Variants in USP24 observed in about 807,000 individuals in gnomAD.
USP24 encodes ubiquitin specific peptidase 24, also known as ubiquitin carboxyl-terminal hydrolase 24.
Under a neutral mutation model 361.6 loss-of-function variants are expected in USP24, and 97 were observed. The ratio of observed to expected loss-of-function variants is 0.27; its 90% CI spans 0.23 to 0.32. The LOEUF (loss-of-function observed/expected upper bound fraction) is 0.32. USP24 is among the 10% of genes least tolerant of loss of function. The pLI is 1.00. For missense variants in USP24, 2,353 were observed against 3,165.6 expected (o/e 0.74, Z 6.16); for synonymous variants, 1,098 against 1,124.6 (o/e 0.98, Z 0.47).
chr1:55,088,093 C>T (rs547360205), intron 55 of USP24, among the ~76,000 whole-genome samples: 1 of 152,270 alleles, frequency 6.6e-6, no homozygotes, highest in Admixed American at 6.5e-5. Flanking sequence ...ATTCTGAGAG[C>T]AACAGGATTC....
chr1:55,208,629 A>G (rs1022721380), intron 1 of USP24, among the ~76,000 whole-genome samples: 28 of 151,570 alleles, frequency 1.8e-4, no homozygotes, highest in Middle Eastern at 3.4e-3. Context: ...ACTCTGTCTC[A>G]AAAAAATAAA....
intron 24 of USP24, 87 bp from the exon 25 acceptor site, chr1:55,139,097 T>G: frequency 1.6e-6 from 2 of 1,219,256 alleles, no homozygotes; most frequent in Non-Finnish European, 1.2e-6. Flanking sequence ...AAAACCACAA[T>G]AACAGTTAGC....
At position 55,159,670 on chromosome 1, in the gene USP24, C is replaced by G. The variant is rs1648064373; in HGVS notation, c.1009G>C (p.Val337Leu). 1.9e-6 allele frequency: 3 copies of G among 1,559,558 alleles called. No individual in the cohort carries two copies. In the South Asian group the frequency reaches 3.5e-5, roughly 18 times the overall value. ...ACATCCTGGATTGTAGTAAGAATGACTGGGTCTAGCATGGGCTGTAGAAAT... is the reference window on the plus strand; with the variant it reads ...ACATCCTGGATTGTAGTAAGAATGAGTGGGTCTAGCATGGGCTGTAGAAAT... ...SSVVQPMLDPVILTTIQDVRS... is the reference protein window; with the variant it reads ...SSVVQPMLDPLILTTIQDVRS... Residue 337 changes from valine to leucine, a missense_variant, in exon 9 of 68, where the codon GTC becomes CTC. Coordinates refer to ENST00000294383, the MANE Select transcript of USP24 (RefSeq NM_015306.3).
Position 55,148,446 on chromosome 1 carries a change from A to T in USP24, c.1968+17T>A. On this transcript the variant is annotated intron_variant, in intron 17 of 67. Coordinates refer to ENST00000294383, the MANE Select transcript of USP24 (RefSeq NM_015306.3). Reference sequence around the variant, plus strand: ...TATGCAAGTAACTATAATAATAAAAAATAGCTATACCCTTACCTTGTCTTG... The same window carrying T: ...TATGCAAGTAACTATAATAATAAAATATAGCTATACCCTTACCTTGTCTTG... 6.6e-6 allele frequency: 10 copies of T among 1,522,662 alleles called. No individual in the cohort carries two copies. Among genetic ancestry groups the T allele is most frequent in the Non-Finnish European group, 8.9e-6 (10 of 1,128,610 alleles). The allele number at this position is 1,522,662 out of a possible 1,614,324, so 94.3% of individuals were successfully genotyped here. A position where few individuals can be genotyped will look rare whatever the true frequency, so the allele number is the denominator to read the frequency against.
Position 55,094,027 on chromosome 1 carries a change from G to C in USP24, c.6264C>G (p.Asn2088Lys), listed in dbSNP as rs1645438805. The change falls in exon 52 of 68, where the codon AAC becomes AAG. Residue 2088 changes from asparagine to lysine, a missense_variant. Asn to Lys is a moderately conservative substitution (Grantham distance 94). Coordinates refer to ENST00000294383, the MANE Select transcript of USP24 (RefSeq NM_015306.3). ...TGGTAAGAATAGACAGCCGGTCATT[G>C]TTCGGCCTATGGGGCCGAGGGGATG... ...PQSSPRPHRP[N>K]NDRLSILTKL... 6.2e-7 allele frequency: 1 copy of C among 1,613,676 alleles called. No homozygotes were observed. The highest frequency in any genetic ancestry group is 1.3e-5 in the African/African-American group (1 of 74,906).
chr1:55,196,194 C>T (rs1244220365), intron 1 of USP24, among the ~76,000 whole-genome samples: 2 of 152,090 alleles, frequency 1.3e-5, no homozygotes, highest in African/African-American at 4.8e-5. Flanking sequence ...TTTGGTTCCT[C>T]ACCCCACCAG....
In USP24 at chr1:55,093,955, C is replaced by T. The variant is rs557793302; in HGVS notation, c.6336G>A (p.Met2112Ile). 16 of 1,613,766 alleles carry T rather than the reference C, an allele frequency of 9.9e-6. No homozygotes were observed. In the Admixed American group the frequency reaches 2.7e-4, roughly 27 times the overall value. Residue 2112 changes from methionine to isoleucine, a missense_variant, in exon 52 of 68, where the codon ATG (methionine) becomes ATA (isoleucine). Physicochemically the swap from Met to Ile is conservative, Grantham distance 10. Around this residue, in one of 8 missense-constraint regions of USP24, gnomAD observed 598 missense variants for 761.9 expected, o/e 0.78. Transcript: ENST00000294383. The part of the protein sequence containing the change: ...GEKKGLFVEK[M>I]PARIYQMVRD... ...TTCTTACCTGGTATATTCGAGCAGG[C>T]ATTTTCTCCACAAACAGTCCTTTCT...
At chr1:55,212,470 ACC>A (rs1644868678) in intron 1 of USP24, among the ~76,000 whole-genome samples, 1 of 152,150 alleles carries the variant, frequency 6.6e-6, no homozygotes, top group Admixed American at 6.5e-5. Flanking sequence ...TAACTCTCTC[ACC>A]AAGGGTTAAA....
At chr1:55,080,985 G>A (rs1281409352) in intron 59 of USP24, among the ~76,000 whole-genome samples, 7 of 152,080 alleles carry the variant, frequency 4.6e-5, no homozygotes, top group Admixed American at 6.6e-5. Flanking sequence ...GAAACTAGGA[G>A]ACTCCAGCCC....
In USP24 at chr1:55,068,953, A is replaced by C. The variant is rs890361761; in HGVS notation, c.*92T>G. The stretch of plus-strand genomic sequence containing the variant: ...CAGCAGCTTTCCCAGTCCAATCTCC[A>C]GGCTCTTCCAAAGGGTTCGAGATTC... On this transcript the variant is annotated 3_prime_UTR_variant, in exon 68 of 68. Transcript: ENST00000294383. 123 of 1,372,932 alleles carry C rather than the reference A, an allele frequency of 9.0e-5. No homozygotes were observed. The highest frequency in any genetic ancestry group is 1.2e-4 in the Non-Finnish European group (115 of 968,958). The allele number at this position is 1,372,932 out of a possible 1,614,324, so 85.0% of individuals were successfully genotyped here.
At chr1:55,071,512 A>T in intron 67 of USP24, 1 of 1,135,272 alleles carries the variant, frequency 8.8e-7, no homozygotes, top group South Asian at 3.2e-5. Flanking sequence ...GAATAAAGTG[A>T]ACAAGCTGGA....
In USP24 at chr1:55,079,857, C is replaced by T. The variant is rs998798089; in HGVS notation, c.7079-198G>A. On this transcript the variant is annotated intron_variant, in intron 59 of 67. Coordinates refer to ENST00000294383, the MANE Select transcript of USP24 (RefSeq NM_015306.3). ...ACACAGTACTCACACACAGAGTACTCGTGCACACTGAGCACTCACACACAG... is the reference window on the plus strand; with the variant it reads ...ACACAGTACTCACACACAGAGTACTTGTGCACACTGAGCACTCACACACAG... Among the ~76,000 whole-genome samples the T allele has an allele frequency of 1.1e-4, 17 of 151,836 alleles. No individual in the cohort carries two copies. The South Asian group carries it at 1.3e-3, about 11-fold the overall frequency.
intron 20 of USP24, among the ~76,000 whole-genome samples, chr1:55,144,659 G>A (rs1325200096): frequency 6.6e-6 from 1 of 152,196 alleles, no homozygotes; most frequent in African/African-American, 2.4e-5. Flanking sequence ...ATTTGGCCGG[G>A]TGCGGTGGCT....
intron 38 of USP24, among the ~76,000 whole-genome samples, chr1:55,117,371 G>C (rs1646144028): frequency 6.6e-6 from 1 of 152,198 alleles, no homozygotes; most frequent in Non-Finnish European, 1.5e-5. Context: ...AAATTGAAAA[G>C]GGAGTAAAAT....
intron 1 of USP24, among the ~76,000 whole-genome samples, chr1:55,186,195 A>C (rs1044259855): frequency 1.3e-5 from 2 of 152,238 alleles, no homozygotes; most frequent in African/African-American, 4.8e-5. Context: ...TTATTTTATG[A>C]GGCAAGTATT....
chr1:55,117,345 G>C (rs945583079), intron 38 of USP24, among the ~76,000 whole-genome samples: 1 of 152,166 alleles, frequency 6.6e-6, no homozygotes, highest in Non-Finnish European at 1.5e-5. Flanking sequence ...GCAAGAAAAA[G>C]AACTAAAAGA....
At chr1:55,181,545 T>G (rs1643966380) in intron 1 of USP24, among the ~76,000 whole-genome samples, 2 of 152,224 alleles carry the variant, frequency 1.3e-5, no homozygotes, top group African/African-American at 2.4e-5. Context: ...ATGCTTAAAT[T>G]TATTACCTTA....
rs143119417 is a variant in USP24, at chr1:55,108,299, C to G, written c.4571-869G>C. Among the ~76,000 whole-genome samples the G allele has an allele frequency of 7.2e-5, 11 of 152,232 alleles. No individual in the cohort carries two copies. In the East Asian group the frequency reaches 2.1e-3, roughly 29 times the overall value. On this transcript the variant is annotated intron_variant, in intron 39 of 67. Transcript: ENST00000294383. ...TGCCCCTTCAAACAAGGACTTAAAG[C>G]ACAATTTCATATTGGAAGTTGAGAC...
At chr1:55,092,268 T>C (rs1378327346) in intron 53 of USP24, 142 bp from the exon 54 acceptor site, 1 of 491,598 alleles carries the variant, frequency 2.0e-6, no homozygotes, top group South Asian at 4.4e-5. Context: ...ATAAGAAGAA[T>C]CTTGCCAGTT....
Sources: gnomAD v4.1 joint callset for allele counts (sites outside exome capture counted in the v4.1 genomes callset) on GRCh38, gnomAD v4.1.1 for gene constraint, gnomAD v4.1.1 regional missense constraint, MANE v1.5 for transcripts, NCBI Gene and HGNC (gene_info 2026-07-23, HGNC 2026-07-21) for gene names.